GCNT4: variants seen among roughly 807,000 people sequenced by gnomAD.
GCNT4 encodes glucosaminyl (N-acetyl) transferase 4, also known as beta-1,3-galactosyl-O-glycosyl-glycoprotein beta-1,6-N-acetylglucosaminyltransferase 4.
A neutral mutation model predicts 31.3 loss-of-function variants in GCNT4; 17 were observed. The ratio of observed to expected loss-of-function variants is 0.54; its 90% CI spans 0.37 to 0.81. GCNT4 has a LOEUF of 0.81. Ranked by LOEUF, GCNT4 falls within the 40% of genes least tolerant of loss-of-function variation. The probability of loss-of-function intolerance (pLI) is 0.00; values close to 1 mark genes in which losing one functional copy is unlikely to be tolerated. For missense variants in GCNT4, 503 were observed against 525.5 expected (o/e 0.96, Z 0.42); for synonymous variants, 158 against 190.6 (o/e 0.83, Z 1.41).
chr5:75,040,363 C>T (rs971662715), intron 3 of GCNT4, among the ~76,000 whole-genome samples: 1 of 152,096 alleles, frequency 6.6e-6, no homozygotes, highest in Non-Finnish European at 1.5e-5. Flanking sequence ...TTGTTTAGTA[C>T]CTGTCCTGAG....
rs556783363 is a variant in GCNT4, at chr5:75,036,173, G to C, written c.-1-6135C>G. On this transcript the variant is annotated intron_variant, in intron 3 of 3. Transcript: ENST00000652361. The stretch of plus-strand genomic sequence containing the variant: ...TTTACTTGAAAAAAAAAAAACCTGT[G>C]TATAATTGGACCCCCTGAAGTTCAA... Among the ~76,000 whole-genome samples, 18 of 151,724 alleles carry C rather than the reference G, an allele frequency of 1.2e-4. No homozygotes were observed. In the East Asian group the frequency reaches 2.5e-3, roughly 21 times the overall value.
Position 75,028,449 on chromosome 5 carries a change from TG to T in GCNT4, c.*226del. ...TGACTGACTGAATGTTTAAGATCTC[TG>T]ATTTGGCTCAGTGAGATTACAAGCA... On this transcript the variant is annotated 3_prime_UTR_variant, in exon 4 of 4. Coordinates refer to ENST00000652361, the MANE Select transcript of GCNT4 (RefSeq NM_001366737.1). 3 of 510,326 alleles carry T rather than the reference TG, an allele frequency of 5.9e-6. No individual in the cohort carries two copies. 31.6% of individuals were successfully genotyped at this position (510,326 alleles called of 1,614,324 possible).
upstream of GCNT4, among the ~76,000 whole-genome samples, chr5:75,053,856 G>C (rs73125256): frequency 0.02 from 3,004 of 152,302 alleles, 95 homozygotes; most frequent in African/African-American, 0.067. Flanking sequence ...ATCCACGTTC[G>C]GTTCCCTCCC....
chr5:75,053,379 A>G (rs1446618820), upstream of GCNT4, among the ~76,000 whole-genome samples: 1 of 152,030 alleles, frequency 6.6e-6, no homozygotes, highest in Non-Finnish European at 1.5e-5. Flanking sequence ...CGCGGCGCCG[A>G]AGTTTTCCCC....
chr5:75,044,531 A>G (rs1226053388), intron 3 of GCNT4, among the ~76,000 whole-genome samples: 1 of 151,894 alleles, frequency 6.6e-6, no homozygotes, highest in Non-Finnish European at 1.5e-5. Context: ...AAATGAGCTA[A>G]TGCACTGGGC....
chr5:75,024,750 G>C (rs999699839), downstream of GCNT4, among the ~76,000 whole-genome samples: 2 of 152,216 alleles, frequency 1.3e-5, no homozygotes, highest in South Asian at 4.1e-4. Context: ...AGGAGTTTGA[G>C]ACCAGCCTGG....
At chr5:75,034,207 G>A (rs980011441) in intron 3 of GCNT4, among the ~76,000 whole-genome samples, 3 of 152,204 alleles carry the variant, frequency 2.0e-5, no homozygotes, top group Admixed American at 6.5e-5. Flanking sequence ...GAGGACCACC[G>A]GTCCCCAACC....
chr5:75,032,877 GT>G (rs60749928), intron 3 of GCNT4, among the ~76,000 whole-genome samples: 11,837 of 76,492 alleles, frequency 0.15, 579 homozygotes, highest in African/African-American at 0.24. Flanking sequence ...ATAGGGGTGT[GT>G]GTGTGTGTGT....
intron 2 of GCNT4, among the ~76,000 whole-genome samples, chr5:75,050,837 AC>A (rs2035343961): frequency 6.6e-6 from 1 of 152,216 alleles, no homozygotes; most frequent in Admixed American, 6.5e-5. Context: ...CTCAGTCTCA[AC>A]TGCCAGGCCT....
intron 3 of GCNT4, among the ~76,000 whole-genome samples, chr5:75,038,412 C>T (rs6889508): frequency 0.019 from 2,904 of 152,338 alleles, 103 homozygotes; most frequent in African/African-American, 0.064. Context: ...TTAACCCCAT[C>T]TCATTCCTGG....
At chr5:75,053,618 G>A (rs1480943447), upstream of GCNT4, among the ~76,000 whole-genome samples, 1 of 152,036 alleles carries the variant, frequency 6.6e-6, no homozygotes, top group Non-Finnish European at 1.5e-5. Context: ...CTCCGCGGCG[G>A]CTCGCTCTCG....
At chr5:75,036,227 G>A (rs1360368559) in intron 3 of GCNT4, among the ~76,000 whole-genome samples, 1 of 151,914 alleles carries the variant, frequency 6.6e-6, no homozygotes, top group Non-Finnish European at 1.5e-5. Flanking sequence ...CCATACTGTA[G>A]TTATTAATAA....
rs77449487 is a variant in GCNT4 at position 75,033,151 on chromosome 5, C to T, written c.-1-3113G>A. Among the ~76,000 whole-genome samples the T allele has an allele frequency of 6.5e-3, 990 of 152,314 alleles. 6 individuals carry two copies. The highest frequency in any genetic ancestry group is 0.017 in the Middle Eastern group (5 of 294). On this transcript the variant is annotated intron_variant, in intron 3 of 3. Transcript: ENST00000652361. ...CTCCCAGAGTTGTCATGTCATTTAACTATCATCTTCACACTTAAATAAAAA... is the reference window on the plus strand; with the variant it reads ...CTCCCAGAGTTGTCATGTCATTTAATTATCATCTTCACACTTAAATAAAAA...
chr5:75,034,352 G>T (rs1743152043), intron 3 of GCNT4, among the ~76,000 whole-genome samples: 1 of 152,224 alleles, frequency 6.6e-6, no homozygotes, highest in Admixed American at 6.5e-5. Context: ...GGGGGTGGAG[G>T]TGGGCTGGTA....
intron 2 of GCNT4, among the ~76,000 whole-genome samples, chr5:75,048,804 A>G (rs1237713607): frequency 3.3e-5 from 5 of 152,186 alleles, no homozygotes; most frequent in African/African-American, 1.2e-4. Context: ...GATAGAAGTT[A>G]AGCAGCCCAG....
At chr5:75,039,529 T>C (rs2149966681) in intron 3 of GCNT4, among the ~76,000 whole-genome samples, 1 of 152,344 alleles carries the variant, frequency 6.6e-6, no homozygotes, top group East Asian at 1.9e-4. Flanking sequence ...CTTACCTTAG[T>C]TCATATAGCT....
At chr5:75,024,008 T>C (rs975250332), downstream of GCNT4, 1 of 152,182 alleles carries the variant, frequency 6.6e-6, no homozygotes. Flanking sequence ...AACACCCTGA[T>C]CATCTGTCTC....
At position 75,029,444 on chromosome 5, in the gene GCNT4, G is replaced by A. The variant is rs1467551124; in HGVS notation, c.594C>T (p.Ala198=). The A allele has an allele frequency of 1.9e-6, 3 of 1,614,034 alleles. No individual in the cohort carries two copies. Among genetic ancestry groups the A allele is most frequent in the Non-Finnish European group, 1.7e-6 (2 of 1,180,004 alleles). Residue 198 remains alanine, a synonymous_variant, in exon 4 of 4, where the codon GCC becomes GCT. Coordinates refer to ENST00000652361, the MANE Select transcript of GCNT4 (RefSeq NM_001366737.1). Reference sequence around the variant, plus strand: ...AATCAGCCTGGAGTCTGGAAATGTGGGCATATTCCACAGCCTCTAATTTGG... The same window carrying A: ...AATCAGCCTGGAGTCTGGAAATGTGAGCATATTCCACAGCCTCTAATTTGG... The part of the protein sequence containing the change: ...IASKLEAVEY[A]HISRLQADLN...
At chr5:75,044,768 C>T (rs1347856051) in intron 3 of GCNT4, among the ~76,000 whole-genome samples, 3 of 152,094 alleles carry the variant, frequency 2.0e-5, no homozygotes, top group Non-Finnish European at 4.4e-5. Flanking sequence ...AAGGCCTCCA[C>T]GCTTCTCATG....
Sources: gnomAD v4.1 joint callset for allele counts (sites outside exome capture counted in the v4.1 genomes callset) on GRCh38, gnomAD v4.1.1 for gene constraint, MANE v1.5 for transcripts, NCBI Gene and HGNC (gene_info 2026-07-23, HGNC 2026-07-21) for gene names.